CSMD1: variants seen among roughly 807,000 people sequenced by gnomAD.
The protein encoded by CSMD1 is CUB and sushi domain-containing protein 1.
CSMD1 carries 213 observed loss-of-function variants against 417.5 expected under a neutral mutation model. That is an observed-to-expected ratio of 0.51 (90% CI 0.46 to 0.57). The LOEUF (loss-of-function observed/expected upper bound fraction) is 0.57, where lower values mean the gene tolerates loss of function less well. CSMD1 is among the 20% of genes least tolerant of loss of function. The pLI is 0.00. For synonymous variants in CSMD1, 2,862 were observed against 1,736.8 expected, an observed-to-expected ratio of 1.65 and a Z score of -16.11; for missense variants, 6,923 against 4,529.7, an observed-to-expected ratio of 1.53 and a Z score of -15.17.
At chr8:3,690,158 A>G (rs1585080568) in intron 7 of CSMD1, among the ~76,000 whole-genome samples, 1 of 152,182 alleles carries the variant, frequency 6.6e-6, no homozygotes, top group East Asian at 1.9e-4. Context: ...CAGGAGTTTG[A>G]GACCAGCCTG....
At chr8:4,302,838 G>A (rs1379281529) in intron 3 of CSMD1, among the ~76,000 whole-genome samples, 1 of 152,096 alleles carries the variant, frequency 6.6e-6, no homozygotes, top group African/African-American at 2.4e-5. Flanking sequence ...GTGACCCTGT[G>A]TTTTCCAGGA....
intron 5 of CSMD1, among the ~76,000 whole-genome samples, chr8:3,893,823 T>G (rs559702603): frequency 3.3e-5 from 5 of 152,290 alleles, no homozygotes; most frequent in African/African-American, 1.2e-4. Flanking sequence ...TGATTTTACC[T>G]GTTGCCAGAC....
chr8:4,956,010 C>G (rs1369164128), intron 1 of CSMD1, among the ~76,000 whole-genome samples: 1 of 152,216 alleles, frequency 6.6e-6, no homozygotes, highest in African/African-American at 2.4e-5. Flanking sequence ...TAGACAACTA[C>G]TCTCAGACTG....
intron 7 of CSMD1, among the ~76,000 whole-genome samples, chr8:3,621,448 G>C (rs186365599): frequency 6.6e-6 from 1 of 152,232 alleles, no homozygotes; most frequent in Non-Finnish European, 1.5e-5. Context: ...AAGGGAAAGA[G>C]AAGAAGGAAT....
intron 26 of CSMD1, among the ~76,000 whole-genome samples, chr8:3,244,341 G>A (rs757251969): frequency 4.6e-5 from 7 of 152,124 alleles, no homozygotes; most frequent in African/African-American, 1.4e-4. Context: ...CAGTCACTCC[G>A]GAGGTCCTCT....
chr8:3,724,313 G>A (rs562850873), intron 6 of CSMD1, among the ~76,000 whole-genome samples: 1 of 151,942 alleles, frequency 6.6e-6, no homozygotes, highest in Non-Finnish European at 1.5e-5. Context: ...TCGTCATCTA[G>A]CATTAGGTAT....
rs560707762 is a variant in CSMD1 at position 3,564,976 on chromosome 8, A to G, written c.1344+9969T>C. Among the ~76,000 whole-genome samples the G allele has an allele frequency of 9.4e-5, 14 of 148,302 alleles. No individual in the cohort carries two copies. In the East Asian group the frequency reaches 2.6e-3, roughly 28 times the overall value. On this transcript the variant is annotated intron_variant, in intron 10 of 69. Coordinates refer to ENST00000635120, the MANE Select transcript of CSMD1 (RefSeq NM_033225.6). ...CCATAAGATTAATGATGAATAGCTA[A>G]GGAATGCTGGGCTTAATACCTAGGT...
chr8:3,332,451 G>A (rs555667227), intron 23 of CSMD1, among the ~76,000 whole-genome samples: 54 of 152,346 alleles, frequency 3.5e-4, no homozygotes, highest in Admixed American at 7.2e-4. Flanking sequence ...GCCAACCGGA[G>A]CTGCAGTGAG....
Position 4,664,144 on chromosome 8 carries a change from G to C in CSMD1, c.86-26586C>G, listed in dbSNP as rs1041461900. Among the ~76,000 whole-genome samples, 6 of 152,260 alleles carry C rather than the reference G, an allele frequency of 3.9e-5. 1 individual carries two copies. In the East Asian group the frequency reaches 7.7e-4, roughly 20 times the overall value. ...TCACACCTGGACAGGTACACCAGCTGGTAAAGAGAGAGATACTCTCCCTGC... is the reference window on the plus strand; with the variant it reads ...TCACACCTGGACAGGTACACCAGCTCGTAAAGAGAGAGATACTCTCCCTGC... On this transcript the variant is annotated intron_variant, in intron 1 of 69. Coordinates refer to ENST00000635120, the MANE Select transcript of CSMD1 (RefSeq NM_033225.6).
chr8:4,532,231 C>G (rs1796857507), intron 2 of CSMD1, among the ~76,000 whole-genome samples: 1 of 150,278 alleles, frequency 6.7e-6, no homozygotes, highest in South Asian at 2.1e-4. Context: ...CACAGTCACT[C>G]CGGAAGAGAA....
At chr8:4,007,153 T>A (rs565276309) in intron 4 of CSMD1, among the ~76,000 whole-genome samples, 5 of 152,154 alleles carry the variant, frequency 3.3e-5, no homozygotes, top group African/African-American at 1.2e-4. Context: ...TTTTACTATT[T>A]CTCAGTGAAA....
intron 3 of CSMD1, among the ~76,000 whole-genome samples, chr8:4,152,626 G>T (rs1050286140): frequency 6.6e-6 from 1 of 152,118 alleles, no homozygotes; most frequent in African/African-American, 2.4e-5. Flanking sequence ...GGAGGTCAAG[G>T]CTGCAATGAG....
At chr8:3,877,873 A>T (rs1395212670) in intron 5 of CSMD1, among the ~76,000 whole-genome samples, 1 of 152,150 alleles carries the variant, frequency 6.6e-6, no homozygotes, top group Non-Finnish European at 1.5e-5. Context: ...ACATTACTAA[A>T]CCATTCAGAA....
chr8:3,247,491 C>T (rs1799958355), intron 26 of CSMD1, among the ~76,000 whole-genome samples: 1 of 152,092 alleles, frequency 6.6e-6, no homozygotes, highest in Non-Finnish European at 1.5e-5. Context: ...AGGAGAGGCC[C>T]AAAGAAAAGG....
At chr8:4,370,508 C>T (rs1208101414) in intron 3 of CSMD1, among the ~76,000 whole-genome samples, 5 of 152,198 alleles carry the variant, frequency 3.3e-5, no homozygotes, top group African/African-American at 1.2e-4. Flanking sequence ...GGAAGGATTT[C>T]CATGGACTAT....
intron 1 of CSMD1, among the ~76,000 whole-genome samples, chr8:4,812,870 T>G (rs948926494): frequency 1.3e-5 from 2 of 152,194 alleles, no homozygotes; most frequent in African/African-American, 4.8e-5. Flanking sequence ...ATCGCTATGT[T>G]TTATTACACC....
intron 3 of CSMD1, among the ~76,000 whole-genome samples, chr8:4,337,213 C>G (rs556621877): frequency 1.3e-5 from 2 of 152,084 alleles, no homozygotes. Context: ...GACTTTCAAT[C>G]TTTACCCAGG....
chr8:4,255,356 C>A (rs958927954), intron 3 of CSMD1, among the ~76,000 whole-genome samples: 2 of 152,160 alleles, frequency 1.3e-5, no homozygotes, highest in South Asian at 4.1e-4. Context: ...TTCTTGAGCC[C>A]AGAGCCCAGA....
intron 1 of CSMD1, among the ~76,000 whole-genome samples, chr8:4,791,534 C>G (rs776148406): frequency 1.3e-5 from 2 of 152,228 alleles, no homozygotes; most frequent in Middle Eastern, 3.4e-3. Context: ...TGTATAAGAG[C>G]CACTGGAAAA....
Sources: gnomAD v4.1 joint callset for allele counts (sites outside exome capture counted in the v4.1 genomes callset) on GRCh38, gnomAD v4.1.1 for gene constraint, MANE v1.5 for transcripts, NCBI Gene and HGNC (gene_info 2026-07-23, HGNC 2026-07-21) for gene names.